C8orf34: variants seen among roughly 807,000 people sequenced by gnomAD.
C8orf34 encodes uncharacterized protein C8orf34.
C8orf34 carries 65 observed loss-of-function variants against 68.3 expected under a neutral mutation model. The ratio of observed to expected loss-of-function variants is 0.95; its 90% CI spans 0.78 to 1.17. The LOEUF (loss-of-function observed/expected upper bound fraction) is 1.17. Ranked by LOEUF, C8orf34 falls within the 50% of genes most tolerant of loss-of-function variation. C8orf34 has a pLI of 0.00. For missense variants in C8orf34, 664 were observed against 655.4 expected (o/e 1.01, Z -0.14); for synonymous variants, 244 against 241.2 (o/e 1.01, Z -0.11).
intron 8 of C8orf34, among the ~76,000 whole-genome samples, chr8:68,675,744 A>G (rs1327314296): frequency 6.6e-6 from 1 of 152,234 alleles, no homozygotes; most frequent in Non-Finnish European, 1.5e-5. Context: ...GTCCTTACTT[A>G]TCAATAATAG....
intron 12 of C8orf34, among the ~76,000 whole-genome samples, chr8:68,789,959 A>G (rs1284207670): frequency 1.3e-5 from 2 of 152,224 alleles, no homozygotes; most frequent in Admixed American, 6.5e-5. Flanking sequence ...GATCTTAGCA[A>G]TGTTGTACTG....
intron 3 of C8orf34, chr8:68,447,432 G>A (rs1811171331): frequency 6.6e-6 from 1 of 152,122 alleles, no homozygotes; most frequent in Non-Finnish European, 1.5e-5. Flanking sequence ...ATTCTCCAGT[G>A]CTCTGCTATC....
At chr8:68,757,380 A>G (rs1052952939) in intron 10 of C8orf34, among the ~76,000 whole-genome samples, 4 of 152,178 alleles carry the variant, frequency 2.6e-5, no homozygotes, top group Admixed American at 2.0e-4. Context: ...CTGTAATCCC[A>G]GCACTTTGGG....
rs200988401 is a variant in C8orf34 at position 68,344,963 on chromosome 8, C to CA, written c.327+13628dup. Among the ~76,000 whole-genome samples, 982 of 151,680 alleles carry CA rather than the reference C, an allele frequency of 6.5e-3. 8 individuals are homozygous for CA. Among genetic ancestry groups the CA allele is most frequent in the African/African-American group, 0.023 (949 of 41,406 alleles). ...TTCCAAATAATTAGAAACATAATAC[C>CA]AAAAGTAAGTAATATTTAGTTAAAT... On this transcript the variant is annotated intron_variant, in intron 1 of 13. Transcript: ENST00000518698.
intron 7 of C8orf34, among the ~76,000 whole-genome samples, chr8:68,556,329 T>TA (rs1816253596): frequency 6.6e-6 from 1 of 151,206 alleles, no homozygotes; most frequent in Non-Finnish European, 1.5e-5. Context: ...TATACTTCCT[T>TA]ATTGTTTGAT....
At chr8:68,703,375 AT>A (rs750188576) in intron 8 of C8orf34, among the ~76,000 whole-genome samples, 4 of 152,102 alleles carry the variant, frequency 2.6e-5, no homozygotes, top group Non-Finnish European at 5.9e-5. Flanking sequence ...GTTATTTTAA[AT>A]TCAATCACAT....
chr8:68,818,599 G>T lies in C8orf34; in HGVS notation c.*353G>T. The T allele has an allele frequency of 5.2e-6, 1 of 192,436 alleles. No individual in the cohort carries two copies. Among genetic ancestry groups the T allele is most frequent in the Non-Finnish European group, 1.0e-5 (1 of 95,452 alleles). 11.9% of individuals were successfully genotyped at this position (192,436 alleles called of 1,614,324 possible). A position where few individuals can be genotyped will look rare whatever the true frequency, so the allele number is the denominator to read the frequency against. Reference sequence around the variant, plus strand: ...TTTTTCTGTATTTTAACTTGTCTAGGGTTTTCTACTTCTTCTATTTTTATA... The same window carrying T: ...TTTTTCTGTATTTTAACTTGTCTAGTGTTTTCTACTTCTTCTATTTTTATA... On this transcript the variant is annotated 3_prime_UTR_variant, in exon 14 of 14. Coordinates refer to ENST00000518698, the MANE Select transcript of C8orf34 (RefSeq NM_052958.4).
intron 7 of C8orf34, among the ~76,000 whole-genome samples, chr8:68,602,120 G>T (rs1817715979): frequency 6.6e-6 from 1 of 152,150 alleles, no homozygotes. Flanking sequence ...GTTGCCACAC[G>T]ATGGGAGCAG....
At chr8:68,554,680 C>A (rs1368777401) in intron 7 of C8orf34, among the ~76,000 whole-genome samples, 1 of 151,234 alleles carries the variant, frequency 6.6e-6, no homozygotes, top group African/African-American at 2.5e-5. Flanking sequence ...TTCATAATAA[C>A]CCTATAGTGT....
intron 1 of C8orf34, among the ~76,000 whole-genome samples, chr8:68,334,347 G>T (rs1269687694): frequency 6.6e-6 from 1 of 151,646 alleles, no homozygotes; most frequent in Non-Finnish European, 1.5e-5. Context: ...TAATATGAAG[G>T]TGTAAGATGA....
intron 4 of C8orf34, among the ~76,000 whole-genome samples, chr8:68,470,424 T>G (rs1255151122): frequency 6.6e-6 from 1 of 152,154 alleles, no homozygotes; most frequent in African/African-American, 2.4e-5. Context: ...GTTTTTAATT[T>G]GTAAAATAGT....
At chr8:68,414,465 C>T (rs79528422) in intron 1 of C8orf34, among the ~76,000 whole-genome samples, 139 of 152,162 alleles carry the variant, frequency 9.1e-4, no homozygotes, top group African/African-American at 3.1e-3. Flanking sequence ...GTTTCAAATG[C>T]CATGATAGGA....
chr8:68,617,381 G>A (rs1269325465), intron 7 of C8orf34, among the ~76,000 whole-genome samples: 5 of 152,144 alleles, frequency 3.3e-5, no homozygotes, highest in South Asian at 2.1e-4. Flanking sequence ...TCCTAGCCTC[G>A]ATGGTCTTTA....
At chr8:68,635,305 G>A in intron 7 of C8orf34, among the ~76,000 whole-genome samples, 1 of 152,282 alleles carries the variant, frequency 6.6e-6, no homozygotes, top group Admixed American at 6.5e-5. Flanking sequence ...GATAGTTGAA[G>A]ATTTTGGCCT....
intron 1 of C8orf34, among the ~76,000 whole-genome samples, chr8:68,360,944 G>A (rs1457187338): frequency 6.6e-6 from 1 of 151,588 alleles, no homozygotes; most frequent in Admixed American, 6.6e-5. Flanking sequence ...TAATAGAGAC[G>A]GGGTTTCACC....
intron 13 of C8orf34, among the ~76,000 whole-genome samples, 189 bp downstream of exon 13, chr8:68,816,134 TTCTC>T (rs1375425196): frequency 8.5e-5 from 9 of 106,508 alleles, no homozygotes; most frequent in Admixed American, 4.3e-4. Flanking sequence ...GTGTGTGTGT[TTCTC>T]TGTGTGTGTG....
intron 1 of C8orf34, among the ~76,000 whole-genome samples, chr8:68,351,683 G>A (rs1056133289): frequency 6.6e-6 from 1 of 151,738 alleles, no homozygotes; most frequent in Admixed American, 6.6e-5. Context: ...TTATTTTTGT[G>A]GACATAAGTT....
chr8:68,615,444 GT>G (rs1447928448), intron 7 of C8orf34, among the ~76,000 whole-genome samples: 1 of 150,374 alleles, frequency 6.7e-6, no homozygotes, highest in African/African-American at 2.4e-5. Context: ...GATAGTTCTT[GT>G]TATTTTGAGA....
intron 10 of C8orf34, among the ~76,000 whole-genome samples, chr8:68,747,231 A>C (rs1057467822): frequency 4.0e-5 from 6 of 151,760 alleles, no homozygotes; most frequent in African/African-American, 1.5e-4. Context: ...GATGGGACGT[A>C]TTTCAAAATA....
Sources: allele counts gnomAD v4.1 joint callset (sites outside exome capture counted in the v4.1 genomes callset), GRCh38; gene constraint gnomAD v4.1.1; transcripts MANE v1.5; gene names NCBI Gene and HGNC (gene_info 2026-07-23, HGNC 2026-07-21).